ADAMTS16: variants seen among roughly 807,000 people sequenced by gnomAD.
ADAMTS16 encodes A disintegrin and metalloproteinase with thrombospondin motifs 16.
ADAMTS16 carries 94 observed loss-of-function variants against 145.8 expected under a neutral mutation model. The observed-to-expected ratio is 0.64, with a 90% CI of 0.55 to 0.77. ADAMTS16 has a LOEUF of 0.77. ADAMTS16 is among the 30% of genes least tolerant of loss of function. The probability of loss-of-function intolerance (pLI) is 0.00; values close to 1 mark genes in which losing one functional copy is unlikely to be tolerated. For missense variants in ADAMTS16, 1,585 were observed against 1,591.5 expected (o/e 1.00, Z 0.07); for synonymous variants, 659 against 604.3 (o/e 1.09, Z -1.33).
intron 3 of ADAMTS16, among the ~76,000 whole-genome samples, chr5:5,161,568 C>T (rs530127923): frequency 2.0e-5 from 3 of 152,318 alleles, no homozygotes; most frequent in Non-Finnish European, 4.4e-5. Context: ...AGTCTGGTTG[C>T]TGTTGCCACC....
At chr5:5,187,829 T>C (rs1171386030) in intron 6 of ADAMTS16, 21 bp downstream of exon 6, 1 of 1,445,450 alleles carries the variant, frequency 6.9e-7, no homozygotes, top group Non-Finnish European at 9.7e-7. Flanking sequence ...TTTGAAACTA[T>C]CTACTCTTTT....
intron 8 of ADAMTS16, among the ~76,000 whole-genome samples, chr5:5,193,720 C>T (rs1560943025): frequency 6.6e-6 from 1 of 152,170 alleles, no homozygotes; most frequent in Non-Finnish European, 1.5e-5. Context: ...TATTTCCTTT[C>T]CTCACTCAAA....
intron 3 of ADAMTS16, among the ~76,000 whole-genome samples, chr5:5,169,826 T>C: frequency 6.6e-6 from 1 of 152,134 alleles, no homozygotes; most frequent in East Asian, 1.9e-4. Context: ...TGGACTTGGG[T>C]GGACAGCAGA....
intron 21 of ADAMTS16, among the ~76,000 whole-genome samples, chr5:5,316,280 T>C (rs530742260): frequency 6.6e-6 from 1 of 152,346 alleles, no homozygotes; most frequent in Admixed American, 6.5e-5. Flanking sequence ...TTTCACAGTG[T>C]GATCCTTGCA....
chr5:5,190,204 T>C (rs1413994700), intron 7 of ADAMTS16, 74 bp downstream of exon 7: 3 of 1,457,498 alleles, frequency 2.1e-6, no homozygotes, highest in Non-Finnish European at 2.7e-6. Flanking sequence ...TGTTGAGTAT[T>C]TTTGCCCTTG....
At chr5:5,235,489 A>G (rs1227312277) in intron 13 of ADAMTS16, among the ~76,000 whole-genome samples, 5 of 152,166 alleles carry the variant, frequency 3.3e-5, no homozygotes, top group Non-Finnish European at 5.9e-5. Context: ...TGGAAATTGA[A>G]TCAGTATGTT....
intron 3 of ADAMTS16, among the ~76,000 whole-genome samples, chr5:5,168,654 A>T (rs1464742794): frequency 5.9e-5 from 7 of 118,566 alleles, no homozygotes; most frequent in Admixed American, 2.2e-4. Context: ...TTATATTTAT[A>T]TATTATATTT....
In ADAMTS16 at chr5:5,248,149, G is replaced by C. The variant is rs536577414; in HGVS notation, c.2662+5958G>C. Among the ~76,000 whole-genome samples, 15 of 152,284 alleles carry C rather than the reference G, an allele frequency of 9.9e-5. 1 individual carries two copies. The South Asian group carries it at 3.1e-3, about 32-fold the overall frequency. On this transcript the variant is annotated intron_variant, in intron 17 of 22. Coordinates refer to ENST00000274181, the MANE Select transcript of ADAMTS16 (RefSeq NM_139056.4). The stretch of plus-strand genomic sequence containing the variant: ...GTAATTTTGCTTACAGAATTCGTTT[G>C]ATTTTTTTTCTTTTTCTTTATAAAA...
intron 11 of ADAMTS16, among the ~76,000 whole-genome samples, chr5:5,227,101 G>A (rs1736787534): frequency 2.0e-5 from 3 of 152,214 alleles, no homozygotes; most frequent in South Asian, 2.1e-4. Context: ...TTCTATCATC[G>A]CTAATTTCAG....
Position 5,320,200 on chromosome 5 carries a change from T to A in ADAMTS16, c.*1062T>A, listed in dbSNP as rs914678707. ...CTGGCACCCTCCCTGCCATCCTCAG[T>A]GCGGCTGCTGTTCTCCTGTCCGGTG... On this transcript the variant is annotated 3_prime_UTR_variant, in exon 23 of 23. Transcript: ENST00000274181. The surrounding 1 kb of genome is among the most constrained non-coding windows in gnomAD (Gnocchi z 5.1). The A allele has an allele frequency of 2.0e-4, 60 of 299,812 alleles. No homozygotes were observed. The highest frequency in any genetic ancestry group is 9.2e-4 in the South Asian group (32 of 34,660). The allele number at this position is 299,812 out of a possible 1,614,324, so 18.6% of individuals were successfully genotyped here.
At chr5:5,147,810 C>T (rs1463923239) in intron 3 of ADAMTS16, among the ~76,000 whole-genome samples, 1 of 152,174 alleles carries the variant, frequency 6.6e-6, no homozygotes, top group Non-Finnish European at 1.5e-5. Context: ...TGTGTGGCAG[C>T]GAGGTGTGCC....
At chr5:5,232,822 C>T (rs1250088567) in intron 12 of ADAMTS16, among the ~76,000 whole-genome samples, 3 of 151,962 alleles carry the variant, frequency 2.0e-5, no homozygotes, top group South Asian at 2.1e-4. Context: ...AGGCTGGTCT[C>T]GAACTCCTGA....
intron 9 of ADAMTS16, among the ~76,000 whole-genome samples, chr5:5,208,574 T>C (rs1736190922): frequency 6.6e-6 from 1 of 152,190 alleles, no homozygotes; most frequent in Non-Finnish European, 1.5e-5. Flanking sequence ...CACAGAGCAT[T>C]GCTGGTGGAA....
At chr5:5,207,946 T>C (rs1007646116) in intron 9 of ADAMTS16, among the ~76,000 whole-genome samples, 2 of 152,192 alleles carry the variant, frequency 1.3e-5, no homozygotes, top group Non-Finnish European at 2.9e-5. Flanking sequence ...GTTGAGAATT[T>C]TTGTATCGAT....
At chr5:5,242,587 C>G (rs1025305758) in intron 17 of ADAMTS16, among the ~76,000 whole-genome samples, 7 of 152,120 alleles carry the variant, frequency 4.6e-5, no homozygotes, top group African/African-American at 1.7e-4. Flanking sequence ...TTTAATCTAA[C>G]TAATCTTGTT....
chr5:5,189,820 A>C (rs1451658464), intron 6 of ADAMTS16, 151 bp from the exon 7 acceptor site: 8 of 869,096 alleles, frequency 9.2e-6, no homozygotes, highest in Non-Finnish European at 1.4e-5. Context: ...GTTTTATAGA[A>C]TACGTAAAAT....
chr5:5,176,777 G>A (rs1735209033), intron 3 of ADAMTS16, among the ~76,000 whole-genome samples: 1 of 152,160 alleles, frequency 6.6e-6, no homozygotes, highest in African/African-American at 2.4e-5. Flanking sequence ...TCCTGCCATA[G>A]AATTCATCCA....
At chr5:5,227,975 G>A (rs1484723229) in intron 11 of ADAMTS16, among the ~76,000 whole-genome samples, 1 of 152,258 alleles carries the variant, frequency 6.6e-6, no homozygotes, top group East Asian at 1.9e-4. Context: ...TTGTTAAGTG[G>A]AAACGTAGGA....
chr5:5,309,450 T>C (rs1273848725), intron 21 of ADAMTS16, among the ~76,000 whole-genome samples: 2 of 152,170 alleles, frequency 1.3e-5, no homozygotes, highest in Admixed American at 1.3e-4. Flanking sequence ...ATGCCAGCCA[T>C]GCGCCTAACC....
Sources: allele counts gnomAD v4.1 joint callset (sites outside exome capture counted in the v4.1 genomes callset), GRCh38; gene constraint gnomAD v4.1.1; non-coding constraint Gnocchi (gnomAD v3.1); transcripts MANE v1.5; gene names NCBI Gene and HGNC (gene_info 2026-07-23, HGNC 2026-07-21).